KIF13A: variants seen among roughly 807,000 people sequenced by gnomAD.
KIF13A encodes kinesin-like protein KIF13A.
Under a neutral mutation model 212.2 loss-of-function variants are expected in KIF13A, and 79 were observed. That is an observed-to-expected ratio of 0.37 (90% confidence interval 0.31 to 0.45). The LOEUF (loss-of-function observed/expected upper bound fraction) is 0.45. KIF13A is among the 20% of genes least tolerant of loss of function. The pLI is 1.00. For missense variants in KIF13A, 1,901 were observed against 2,209.0 expected, an observed-to-expected ratio of 0.86 and a Z score of 2.79; for synonymous variants, 789 against 808.6, an observed-to-expected ratio of 0.98 and a Z score of 0.41.
chr6:17,922,739 G>C (rs1047766620), intron 2 of KIF13A, among the ~76,000 whole-genome samples: 6 of 151,660 alleles, frequency 4.0e-5, no homozygotes, highest in African/African-American at 1.5e-4. Context: ...TAGAGGGTAT[G>C]TGGATATTCA....
chr6:17,854,353 G>T (rs1767943932), intron 6 of KIF13A, among the ~76,000 whole-genome samples: 1 of 151,962 alleles, frequency 6.6e-6, no homozygotes, highest in Non-Finnish European at 1.5e-5. Context: ...GACCAGGCTG[G>T]TCTCGAACTC....
chr6:17,877,391 T>C (rs1367303024), intron 3 of KIF13A, among the ~76,000 whole-genome samples: 2 of 152,166 alleles, frequency 1.3e-5, no homozygotes, highest in Non-Finnish European at 1.5e-5. Flanking sequence ...ATTTACTGCA[T>C]TCAAGGGCTC....
intron 4 of KIF13A, among the ~76,000 whole-genome samples, chr6:17,858,077 AGTTATGT>A (rs1459403048): frequency 8.3e-6 from 1 of 120,498 alleles, no homozygotes. Context: ...TATGTCAAAT[AGTTATGT>A]GTGTGTGTGT....
At chr6:17,924,738 C>T (rs146395605) in intron 2 of KIF13A, among the ~76,000 whole-genome samples, 173 of 152,166 alleles carry the variant, frequency 1.1e-3, no homozygotes, top group African/African-American at 4.0e-3. Flanking sequence ...CAGAGAAAAA[C>T]GAAAGTTAAA....
Position 17,915,698 on chromosome 6 carries a change from ACG to A in KIF13A, c.147-17520_147-17519del. On this transcript the variant is annotated intron_variant, in intron 2 of 38. Transcript: ENST00000259711. This position sits in a 1 kb window ranked among gnomAD's most constrained non-coding sequence, Gnocchi z 4.4. The stretch of plus-strand genomic sequence containing the variant: ...CAGTTCAGGCCAGGCACAGTGGCTC[ACG>A]CCTGTAATCGCAGCACTTTGGGAGG... 6.6e-6 allele frequency among the ~76,000 whole-genome samples: 1 copy of A among 152,182 alleles called. No homozygotes were observed. Among genetic ancestry groups the A allele is most frequent in the Non-Finnish European group, 1.5e-5 (1 of 68,036 alleles).
chr6:17,982,030 G>A lies in KIF13A; in HGVS notation c.146+5024C>T, dbSNP rs1781134285. 6.6e-6 allele frequency among the ~76,000 whole-genome samples: 1 copy of A among 151,922 alleles called. No homozygotes were observed. Among genetic ancestry groups the A allele is most frequent in the Admixed American group, 6.6e-5 (1 of 15,246 alleles). On this transcript the variant is annotated intron_variant, in intron 2 of 38. Coordinates refer to ENST00000259711, the MANE Select transcript of KIF13A (RefSeq NM_022113.6). The surrounding 1 kb of genome is among the most constrained non-coding windows in gnomAD (Gnocchi z 5.1). Reference sequence around the variant, plus strand: ...CCCTTATCTAAAATGCTTGGGACCAGAAGTGTTTTGGATTTTGAATTTTTC... The same window carrying A: ...CCCTTATCTAAAATGCTTGGGACCAAAAGTGTTTTGGATTTTGAATTTTTC...
chr6:17,923,593 T>C (rs1775262937), intron 2 of KIF13A, among the ~76,000 whole-genome samples: 1 of 151,854 alleles, frequency 6.6e-6, no homozygotes, highest in African/African-American at 2.4e-5. Flanking sequence ...AAAGATAATA[T>C]ATGGTTATTG....
chr6:17,831,739 G>T (rs1765474220), intron 12 of KIF13A, among the ~76,000 whole-genome samples: 1 of 148,800 alleles, frequency 6.7e-6, no homozygotes. Flanking sequence ...CAGGGGCCAA[G>T]AACCCCTGGC....
chr6:17,946,083 T>C (rs1023595894), intron 2 of KIF13A, among the ~76,000 whole-genome samples: 9 of 152,196 alleles, frequency 5.9e-5, no homozygotes, highest in African/African-American at 2.2e-4. Context: ...TTGTATGCGC[T>C]TAGAGAAGAA....
At position 17,779,692 on chromosome 6, in the gene KIF13A, A is replaced by G. The variant is rs768182280; in HGVS notation, c.3847-8T>C. On this transcript the variant is annotated splice_region_variant and splice_polypyrimidine_tract_variant and intron_variant, in intron 31 of 38. Transcript: ENST00000259711. ...CAAACTCTGCGTGAAACTCTAGTAGAAAAAAAAAAAAGCTGTATTAAGCTA... is the reference window on the plus strand; with the variant it reads ...CAAACTCTGCGTGAAACTCTAGTAGGAAAAAAAAAAAGCTGTATTAAGCTA... The G allele has an allele frequency of 2.7e-5, 14 of 515,060 alleles. No homozygotes were observed. The highest frequency in any genetic ancestry group is 5.1e-4 in the Middle Eastern group (1 of 1,980). 31.9% of individuals were successfully genotyped at this position (515,060 alleles called of 1,614,324 possible).
chr6:17,773,589 A>C lies in KIF13A; in HGVS notation c.4219-6T>G. On this transcript the variant is annotated splice_polypyrimidine_tract_variant and splice_region_variant and intron_variant, in intron 35 of 38. Transcript: ENST00000259711. The surrounding 1 kb of genome is among the most constrained non-coding windows in gnomAD (Gnocchi z 4.2). ...AACTGGTTCTCTGGCCAACCCTACAAGGTAAAAATATGGGTTAACTGTAAT... is the reference window on the plus strand; with the variant it reads ...AACTGGTTCTCTGGCCAACCCTACACGGTAAAAATATGGGTTAACTGTAAT... The C allele has an allele frequency of 6.4e-7, 1 of 1,557,570 alleles. No individual in the cohort carries two copies. The highest frequency in any genetic ancestry group is 1.1e-5 in the South Asian group (1 of 88,958).
At chr6:17,833,655 A>G (rs553203053) in intron 12 of KIF13A, among the ~76,000 whole-genome samples, 1 of 151,996 alleles carries the variant, frequency 6.6e-6, no homozygotes, top group Non-Finnish European at 1.5e-5. Flanking sequence ...CAGGAGTTTG[A>G]GACCAGCCTG....
intron 3 of KIF13A, among the ~76,000 whole-genome samples, chr6:17,884,682 C>T (rs887529435): frequency 6.6e-6 from 1 of 152,244 alleles, no homozygotes; most frequent in Non-Finnish European, 1.5e-5. Context: ...AAAGTCTGCT[C>T]TATGTGGACT....
chr6:17,964,863 G>T (rs754733035), intron 2 of KIF13A, among the ~76,000 whole-genome samples: 1 of 151,964 alleles, frequency 6.6e-6, no homozygotes, highest in Non-Finnish European at 1.5e-5. Context: ...TCGCTCTGTC[G>T]CCAGGCTGGA....
Position 17,863,093 on chromosome 6 carries a change from T to C in KIF13A, c.221-6971A>G, listed in dbSNP as rs370950972. Among the ~76,000 whole-genome samples the C allele has an allele frequency of 3.9e-5, 6 of 152,296 alleles. No homozygotes were observed. The East Asian group carries it at 5.8e-4, about 15-fold the overall frequency. On this transcript the variant is annotated intron_variant, in intron 4 of 38. Coordinates refer to ENST00000259711, the MANE Select transcript of KIF13A (RefSeq NM_022113.6). ...GCCTGAACGACAGAGCAAGACCCCA[T>C]CTCTTAAAACAAAACATTAAAAAGA...
At position 17,951,221 on chromosome 6, in the gene KIF13A, C is replaced by G. The variant is rs1184855869; in HGVS notation, c.146+35833G>C. On this transcript the variant is annotated intron_variant, in intron 2 of 38. Transcript: ENST00000259711. This position sits in a 1 kb window ranked among gnomAD's most constrained non-coding sequence, Gnocchi z 4.9. ...CCAGGCTGGCGTGCAGTGGCTCAAA[C>G]AGCTCACTGGAGCCTCCTGCCTCAG... is the stretch of plus-strand genomic sequence containing the variant. 1.8e-5 allele frequency: 17 copies of G among 964,574 alleles called. No individual in the cohort carries two copies. Among genetic ancestry groups the G allele is most frequent in the Non-Finnish European group, 2.1e-5 (15 of 725,696 alleles). The allele number at this position is 964,574 out of a possible 1,614,324, so 59.8% of individuals were successfully genotyped here. A position where few individuals can be genotyped will look rare whatever the true frequency, so the allele number is the denominator to read the frequency against.
rs75341100 is a variant in KIF13A at position 17,984,301 on chromosome 6, T to G, written c.146+2753A>C. 0.011 allele frequency among the ~76,000 whole-genome samples: 1,705 copies of G among 152,340 alleles called. 35 individuals are homozygous for G. The highest frequency in any genetic ancestry group is 0.039 in the African/African-American group (1,619 of 41,570). ...GATCCACAAGTATCTTTGAATCCCC[T>G]ATGCTGAGCATGGTACTGAAATGAT... On this transcript the variant is annotated intron_variant, in intron 2 of 38. Transcript: ENST00000259711. The surrounding 1 kb of genome is among the most constrained non-coding windows in gnomAD (Gnocchi z 5.0).
At chr6:17,822,018 G>C in intron 16 of KIF13A, 2 of 1,147,884 alleles carry the variant, frequency 1.7e-6, no homozygotes, top group Non-Finnish European at 2.4e-6. Flanking sequence ...CTGGGTAAAG[G>C]ATGGGGTAGG....
chr6:17,869,493 T>C (rs1372720227), intron 4 of KIF13A, among the ~76,000 whole-genome samples: 4 of 152,104 alleles, frequency 2.6e-5, no homozygotes, highest in Non-Finnish European at 5.9e-5. Context: ...TTATTTACCA[T>C]ATGAGGAAAC....
Sources: gnomAD v4.1 joint callset for allele counts (sites outside exome capture counted in the v4.1 genomes callset) on GRCh38, gnomAD v4.1.1 for gene constraint, Gnocchi (gnomAD v3.1) non-coding constraint, MANE v1.5 for transcripts, NCBI Gene and HGNC (gene_info 2026-07-23, HGNC 2026-07-21) for gene names.